The following ZNF574 variants were observed in gnomAD, a reference collection of about 807,000 sequenced individuals.
ZNF574 encodes the protein zinc finger protein 574.
Under a neutral mutation model 56.6 loss-of-function variants are expected in ZNF574, and 25 were observed. The observed-to-expected ratio is 0.44, with a 90% CI of 0.32 to 0.62. ZNF574 has a LOEUF of 0.62. Ranked by LOEUF, ZNF574 falls within the 20% of genes least tolerant of loss-of-function variation. The pLI is 0.04. For missense variants in ZNF574, 1,065 were observed against 1,218.9 expected (o/e 0.87, Z 1.88); for synonymous variants, 543 against 492.1 (o/e 1.10, Z -1.37).
rs1237364607 is a variant in ZNF574 at position 42,080,154 on chromosome 19, A to G, written c.1548A>G (p.Thr516=). The G allele has an allele frequency of 6.2e-7, 1 of 1,614,014 alleles. No homozygotes were observed. The highest frequency in any genetic ancestry group is 8.5e-7 in the Non-Finnish European group (1 of 1,180,002). ...CTCACGTGCGTAACCACCTGCGCAC[A>G]CACACAGGGGAGCGGCCCTTCCCCT... ...KKSHVRNHLR[T]HTGERPFPCP... The change falls in exon 2 of 2, where the codon ACA becomes ACG. Residue 516 remains threonine, a synonymous_variant. Coordinates refer to ENST00000359044, the MANE Select transcript of ZNF574 (RefSeq NM_022752.6). The surrounding 1 kb of genome is among the most constrained non-coding windows in gnomAD (Gnocchi z 8.5).
chr19:42,078,489 G>A (rs2076470688), intron 1 of ZNF574, 98 bp from the exon 2 acceptor site: 2 of 1,045,076 alleles, frequency 1.9e-6, no homozygotes, highest in Admixed American at 4.6e-5. Flanking sequence ...AGAACTTAAG[G>A]GGGTGTAGAT....
At position 42,080,782 on chromosome 19, in the gene ZNF574, A is replaced by G. The variant is rs773094618; in HGVS notation, c.2176A>G (p.Thr726Ala). The G allele has an allele frequency of 2.5e-6, 4 of 1,614,008 alleles. No homozygotes were observed. Among genetic ancestry groups the G allele is most frequent in the Non-Finnish European group, 3.4e-6 (4 of 1,180,020 alleles). ...ASPAALGSTA[T>A]ASPAAPARRR... ...TCCAGCAGCCCTTGGAAGCACTGCT[A>G]CAGCATCCCCTGCGGCCCCTGCCCG... is the stretch of plus-strand genomic sequence containing the variant. The change falls in exon 2 of 2, where the codon ACA becomes GCA. Residue 726 changes from threonine (T) to alanine (A), a missense_variant. Coordinates refer to ENST00000359044, the MANE Select transcript of ZNF574 (RefSeq NM_022752.6). The surrounding 1 kb of genome is among the most constrained non-coding windows in gnomAD (Gnocchi z 8.5).
chr19:42,068,653 T>C, exon 1 of ZNF574: 1 of 425,860 alleles, frequency 2.3e-6, no homozygotes, highest in Non-Finnish European at 4.2e-6. Flanking sequence ...GAGGGAGACT[T>C]GGAAAGAGGG....
upstream of ZNF574, chr19:42,074,660 G>C (rs1169595139): frequency 6.6e-6 from 1 of 152,086 alleles, no homozygotes; most frequent in African/African-American, 2.4e-5. Context: ...TCCAATCCGG[G>C]AATCTGTTTT....
In ZNF574 at chr19:42,080,486, T is replaced by C; in HGVS notation, c.1880T>C (p.Leu627Pro). ...CGTCGGCTGCTGGAGGTGCACCAGCTCGTGGTCCATGCCGGGCGCCAGCCC... is the reference window on the plus strand; with the variant it reads ...CGTCGGCTGCTGGAGGTGCACCAGCCCGTGGTCCATGCCGGGCGCCAGCCC... Reference protein sequence around the residue: ...LLRRLLEVHQLVVHAGRQPHR... With the variant: ...LLRRLLEVHQPVVHAGRQPHR... Residue 627 changes from leucine to proline, a missense_variant, in exon 2 of 2, where the codon CTC (leucine) becomes CCC (proline). Coordinates refer to ENST00000359044, the MANE Select transcript of ZNF574 (RefSeq NM_022752.6). The surrounding 1 kb of genome is among the most constrained non-coding windows in gnomAD (Gnocchi z 8.5). The C allele has an allele frequency of 6.2e-7, 1 of 1,613,830 alleles. No homozygotes were observed. Among genetic ancestry groups the C allele is most frequent in the Non-Finnish European group, 8.5e-7 (1 of 1,179,982 alleles).
chr19:42,081,479 G>C lies in ZNF574; in HGVS notation c.*182G>C. On this transcript the variant is annotated 3_prime_UTR_variant, in exon 2 of 2. Coordinates refer to ENST00000359044, the MANE Select transcript of ZNF574 (RefSeq NM_022752.6). ...TGGGGTCCTTGACACACATAAAGGT[G>C]CCCCCCCACCTTCCACCTCTTAGCA... 1.3e-6 allele frequency: 1 copy of C among 764,584 alleles called. No homozygotes were observed. Among genetic ancestry groups the C allele is most frequent in the Non-Finnish European group, 2.2e-6 (1 of 457,136 alleles). The allele number at this position is 764,584 out of a possible 1,614,324, so 47.4% of individuals were successfully genotyped here. A position where few individuals can be genotyped will look rare whatever the true frequency, so the allele number is the denominator to read the frequency against.
rs1764919389 is a variant in ZNF574 at position 42,080,508 on chromosome 19, G to T, written c.1902G>T (p.Gln634His). Residue 634 changes from glutamine to histidine, a missense_variant, in exon 2 of 2, where the codon CAG becomes CAT. Gln to His is a conservative substitution (Grantham distance 24). Transcript: ENST00000359044. The surrounding 1 kb of genome is among the most constrained non-coding windows in gnomAD (Gnocchi z 8.5). ...VHQLVVHAGR[Q>H]PHRCPSCGAA... is the part of the protein sequence containing the mutation. ...AGCTCGTGGTCCATGCCGGGCGCCA[G>T]CCCCACCGCTGCCCATCCTGTGGGG... is the stretch of plus-strand genomic sequence containing the variant. 6.2e-7 allele frequency: 1 copy of T among 1,613,716 alleles called. No homozygotes were observed. Among genetic ancestry groups the T allele is most frequent in the Admixed American group, 1.7e-5 (1 of 60,012 alleles).
chr19:42,069,998 G>T (rs2076401580), intron 1 of ZNF574, among the ~76,000 whole-genome samples: 1 of 152,024 alleles, frequency 6.6e-6, no homozygotes, highest in Non-Finnish European at 1.5e-5. Flanking sequence ...AGGAGGGTGG[G>T]GTGTCCCAGG....
chr19:42,077,727 G>A (rs1455691583), intron 1 of ZNF574, among the ~76,000 whole-genome samples: 1 of 152,164 alleles, frequency 6.6e-6, no homozygotes, highest in African/African-American at 2.4e-5. Flanking sequence ...TGGTGGAAGG[G>A]CCTAGGTCCG....
Position 42,080,344 on chromosome 19 carries a change from C to G in ZNF574, c.1738C>G (p.Arg580Gly). Reference sequence around the variant, plus strand: ...GGTGCATGCCCAGCACTTCCCCTACCGCTGCCAGGAATGTGGGGTGCGTTT... The same window carrying G: ...GGTGCATGCCCAGCACTTCCCCTACGGCTGCCAGGAATGTGGGGTGCGTTT... ...RLVHAQHFPYRCQECGVRFHR... is the reference protein window; with the variant it reads ...RLVHAQHFPYGCQECGVRFHR... The change falls in exon 2 of 2, where the codon CGC (arginine) becomes GGC (glycine). Residue 580 changes from arginine to glycine, a missense_variant. Arg to Gly is a moderately radical substitution (Grantham distance 125). Transcript: ENST00000359044. This position sits in a 1 kb window ranked among gnomAD's most constrained non-coding sequence, Gnocchi z 8.5. 6.2e-7 allele frequency: 1 copy of G among 1,614,214 alleles called. No homozygotes were observed. The highest frequency in any genetic ancestry group is 8.5e-7 in the Non-Finnish European group (1 of 1,180,024).
intron 1 of ZNF574, among the ~76,000 whole-genome samples, chr19:42,077,004 CT>C (rs1470557797): frequency 1.3e-5 from 2 of 151,712 alleles, no homozygotes; most frequent in Non-Finnish European, 2.9e-5. Context: ...GGAAGGTAGT[CT>C]TTTTTAAGTA....
At chr19:42,075,507 A>G (rs1391701193), upstream of ZNF574, among the ~76,000 whole-genome samples, 4 of 151,936 alleles carry the variant, frequency 2.6e-5, no homozygotes, top group Non-Finnish European at 4.4e-5. Flanking sequence ...CCACCTCCCA[A>G]AAGTCCCCTC....
chr19:42,075,905 G>A (rs1253917374), upstream of ZNF574, among the ~76,000 whole-genome samples: 1 of 152,256 alleles, frequency 6.6e-6, no homozygotes, highest in Non-Finnish European at 1.5e-5. Flanking sequence ...AGTCGAGGAG[G>A]AGGAGGAGCA....
chr19:42,081,509 TG>T lies in ZNF574; in HGVS notation c.*213del, dbSNP rs2076502447. On this transcript the variant is annotated 3_prime_UTR_variant, in exon 2 of 2. Coordinates refer to ENST00000359044, the MANE Select transcript of ZNF574 (RefSeq NM_022752.6). ...CCCACCTTCCACCTCTTAGCACTGG[TG>T]ACCCCAAAAATGAAACCATCAATAA... The T allele has an allele frequency of 1.6e-6, 1 of 644,288 alleles. No homozygotes were observed. Among genetic ancestry groups the T allele is most frequent in the African/African-American group, 1.8e-5 (1 of 54,554 alleles). The allele number at this position is 644,288 out of a possible 1,614,324, so 39.9% of individuals were successfully genotyped here.
Position 42,080,024 on chromosome 19 carries a change from G to A in ZNF574, c.1418G>A (p.Arg473His), listed in dbSNP as rs1568945331. 2 of 1,614,042 alleles carry A rather than the reference G, an allele frequency of 1.2e-6. No homozygotes were observed. The highest frequency in any genetic ancestry group is 1.3e-5 in the African/African-American group (1 of 75,020). The change falls in exon 2 of 2, where the codon CGT becomes CAT. Residue 473 changes from arginine to histidine, a missense_variant. Transcript: ENST00000359044. The surrounding 1 kb of genome is among the most constrained non-coding windows in gnomAD (Gnocchi z 8.5). Reference sequence around the variant, plus strand: ...ACCTACCGCTGCCTCCTGTGCAGCCGTGAATTTGGAAAGGCCTTGCAGCTG... The same window carrying A: ...ACCTACCGCTGCCTCCTGTGCAGCCATGAATTTGGAAAGGCCTTGCAGCTG... ...PGTYRCLLCS[R>H]EFGKALQLTR...
At position 42,079,544 on chromosome 19, in the gene ZNF574, C is replaced by T. The variant is rs1432478725; in HGVS notation, c.938C>T (p.Ala313Val). ...GCCACACAGGAGCTCTTCTGCTCAG[C>T]CTGTGACCAGCTCTTTCTCTCACCC... is the stretch of plus-strand genomic sequence containing the variant. The part of the protein sequence containing the change: ...GAATQELFCS[A>V]CDQLFLSPHQ... Residue 313 changes from alanine to valine, a missense_variant, in exon 2 of 2, where the codon GCC becomes GTC. Coordinates refer to ENST00000359044, the MANE Select transcript of ZNF574 (RefSeq NM_022752.6). This position sits in a 1 kb window ranked among gnomAD's most constrained non-coding sequence, Gnocchi z 4.3. 5 of 1,613,934 alleles carry T rather than the reference C, an allele frequency of 3.1e-6. No individual in the cohort carries two copies. The highest frequency in any genetic ancestry group is 3.4e-6 in the Non-Finnish European group (4 of 1,180,042).
In ZNF574 at chr19:42,081,374, A is replaced by C. The variant is rs955829445; in HGVS notation, c.*77A>C. Reference sequence around the variant, plus strand: ...CCAGCATCCCCTTAAGCATCTGTACATACTGTGTCCCTTCCTCTTCCCATC... The same window carrying C: ...CCAGCATCCCCTTAAGCATCTGTACCTACTGTGTCCCTTCCTCTTCCCATC... On this transcript the variant is annotated 3_prime_UTR_variant, in exon 2 of 2. Transcript: ENST00000359044. 6.4e-7 allele frequency: 1 copy of C among 1,563,900 alleles called. No homozygotes were observed. Among genetic ancestry groups the C allele is most frequent in the African/African-American group, 1.4e-5 (1 of 73,874 alleles).
In ZNF574 at chr19:42,080,531, G is replaced by A. The variant is rs2076491309; in HGVS notation, c.1925G>A (p.Gly642Glu). The change falls in exon 2 of 2, where the codon GGG (glycine) becomes GAG (glutamate). Residue 642 changes from glycine (G) to glutamate (E), a missense_variant. By Grantham distance (98) the Gly-to-Glu change is moderately conservative (BLOSUM62 -2). Coordinates refer to ENST00000359044, the MANE Select transcript of ZNF574 (RefSeq NM_022752.6). The surrounding 1 kb of genome is among the most constrained non-coding windows in gnomAD (Gnocchi z 8.5). Reference sequence around the variant, plus strand: ...CAGCCCCACCGCTGCCCATCCTGTGGGGCTGCCTTCCCCTCCTCACTGCGG... The same window carrying A: ...CAGCCCCACCGCTGCCCATCCTGTGAGGCTGCCTTCCCCTCCTCACTGCGG... Reference protein sequence around the residue: ...GRQPHRCPSCGAAFPSSLRLR... With the variant: ...GRQPHRCPSCEAAFPSSLRLR... 6.2e-7 allele frequency: 1 copy of A among 1,613,444 alleles called. No homozygotes were observed. Among genetic ancestry groups the A allele is most frequent in the African/African-American group, 1.3e-5 (1 of 75,042 alleles).
upstream of ZNF574, among the ~76,000 whole-genome samples, chr19:42,072,793 T>C (rs1291750401): frequency 6.6e-6 from 1 of 152,198 alleles, no homozygotes; most frequent in Admixed American, 6.5e-5. Context: ...CTTGAACTCC[T>C]GACATCGGGT....
Sources: allele counts gnomAD v4.1 joint callset (sites outside exome capture counted in the v4.1 genomes callset), GRCh38; gene constraint gnomAD v4.1.1; non-coding constraint Gnocchi (gnomAD v3.1); transcripts MANE v1.5; gene names NCBI Gene and HGNC (gene_info 2026-07-23, HGNC 2026-07-21).